SSU72: variants seen among roughly 807,000 people sequenced by gnomAD.
SSU72 encodes SSU72 homolog, RNA polymerase II CTD phosphatase.
SSU72 carries 12 observed loss-of-function variants against 22.7 expected under a neutral mutation model. The ratio of observed to expected loss-of-function variants is 0.53; its 90% CI spans 0.34 to 0.86. The LOEUF (loss-of-function observed/expected upper bound fraction) is 0.86. Among genes scored for constraint, SSU72 ranks in the 40% least tolerant of loss-of-function variants. The pLI, the probability that SSU72 is intolerant of heterozygous loss-of-function variation, is 0.02. For synonymous variants in SSU72, 116 were observed against 98.3 expected (o/e 1.18, Z -1.06); for missense variants, 151 against 249.8 (o/e 0.60, Z 2.67).
intron 4 of SSU72, among the ~76,000 whole-genome samples, chr1:1,543,210 G>A (rs550914019): frequency 1.3e-5 from 2 of 152,324 alleles, no homozygotes; most frequent in Non-Finnish European, 2.9e-5. Context: ...GGGCCCACTG[G>A]GGAAGGCAGG....
At chr1:1,558,183 AGAGT>A (rs889486176) in intron 2 of SSU72, among the ~76,000 whole-genome samples, 2 of 148,568 alleles carry the variant, frequency 1.3e-5, no homozygotes, top group Admixed American at 1.4e-4. Context: ...CCTGGGCAAC[AGAGT>A]GAGACTCTGT....
At chr1:1,553,174 C>G (rs1642473990) in intron 2 of SSU72, among the ~76,000 whole-genome samples, 3 of 152,138 alleles carry the variant, frequency 2.0e-5, no homozygotes, top group Non-Finnish European at 2.9e-5. Context: ...TCCGGCTTCA[C>G]TTGGACAGAA....
At chr1:1,548,981 T>C (rs1194175520) in intron 2 of SSU72, among the ~76,000 whole-genome samples, 1 of 152,144 alleles carries the variant, frequency 6.6e-6, no homozygotes, top group Non-Finnish European at 1.5e-5. Context: ...AGAATAAGGC[T>C]TGTGCTGGAG....
At chr1:1,557,140 C>T (rs921455247) in intron 2 of SSU72, among the ~76,000 whole-genome samples, 1 of 152,242 alleles carries the variant, frequency 6.6e-6, no homozygotes, top group African/African-American at 2.4e-5. Context: ...GGGCGGGACG[C>T]AGTGGCTCAC....
chr1:1,553,619 C>CAA (rs59261076), intron 2 of SSU72, among the ~76,000 whole-genome samples: 5,392 of 100,304 alleles, frequency 0.054, 281 homozygotes, highest in East Asian at 0.23. Context: ...ACTAAAAATA[C>CAA]AAAAAAAAAA....
At position 1,564,805 on chromosome 1, in the gene SSU72, C is replaced by T; in HGVS notation, c.192G>A (p.Met64Ile). The T allele has an allele frequency of 6.2e-7, 1 of 1,614,214 alleles. No homozygotes were observed. The highest frequency in any genetic ancestry group is 8.5e-7 in the Non-Finnish European group (1 of 1,180,052). ...VYDFKTTYDQ[M>I]YNDLLRKDKE... is the part of the protein sequence containing the mutation. The stretch of plus-strand genomic sequence containing the variant: ...TGTCTTTCCTAAGAAGATCATTGTA[C>T]ATCTGGTCATATGTGGTTTTGAAAT... Residue 64 changes from methionine (M) to isoleucine (I), a missense_variant, in exon 2 of 5, where the codon ATG becomes ATA. Physicochemically the swap from Met to Ile is conservative, Grantham distance 10. Transcript: ENST00000291386.
intron 2 of SSU72, among the ~76,000 whole-genome samples, chr1:1,551,772 G>A (rs944387740): frequency 1.3e-5 from 2 of 152,216 alleles, no homozygotes; most frequent in African/African-American, 2.4e-5. Flanking sequence ...CCATCCTTAC[G>A]CCAACGTCAC....
At chr1:1,565,484 T>G (rs933534046) in intron 1 of SSU72, among the ~76,000 whole-genome samples, 3 of 152,190 alleles carry the variant, frequency 2.0e-5, no homozygotes, top group African/African-American at 7.2e-5. Flanking sequence ...TTGGGGAAGA[T>G]TTCATCAGAA....
chr1:1,555,573 G>T (rs980902371), intron 2 of SSU72, among the ~76,000 whole-genome samples: 1 of 152,254 alleles, frequency 6.6e-6, no homozygotes, highest in Non-Finnish European at 1.5e-5. Context: ...AGAAGGGCAC[G>T]GTGAGAAGAG....
rs760462934 is a variant in SSU72 at position 1,574,549 on chromosome 1, C to A, written c.9G>T (p.Ser3=). The change falls in exon 1 of 5, where the codon TCG becomes TCT. Residue 3 remains serine (S), a synonymous_variant. Coordinates refer to ENST00000291386, the MANE Select transcript of SSU72 (RefSeq NM_014188.3). MP[S]SPLRVAVVCS... is the part of the protein sequence containing the mutation. Reference sequence around the variant, plus strand: ...ACACCACCGCCACCCGCAGCGGGGACGACGGCATGGCGGCGGCCGCAAATC... The same window carrying A: ...ACACCACCGCCACCCGCAGCGGGGAAGACGGCATGGCGGCGGCCGCAAATC... 6.3e-7 allele frequency: 1 copy of A among 1,588,476 alleles called. No individual in the cohort carries two copies. The highest frequency in any genetic ancestry group is 8.5e-7 in the Non-Finnish European group (1 of 1,170,208).
At chr1:1,569,881 A>G (rs560853203) in intron 1 of SSU72, among the ~76,000 whole-genome samples, 15 of 152,234 alleles carry the variant, frequency 9.9e-5, no homozygotes, top group African/African-American at 3.6e-4. Flanking sequence ...CCTTCTGACA[A>G]TTTTATTTCA....
At chr1:1,566,484 C>G (rs1642662883) in intron 1 of SSU72, among the ~76,000 whole-genome samples, 1 of 152,190 alleles carries the variant, frequency 6.6e-6, no homozygotes, top group African/African-American at 2.4e-5. Context: ...CATTCTTGTT[C>G]AGAAAAGTGC....
intron 1 of SSU72, among the ~76,000 whole-genome samples, chr1:1,567,263 T>C (rs1322230768): frequency 2.6e-5 from 4 of 152,178 alleles, no homozygotes; most frequent in Non-Finnish European, 4.4e-5. Flanking sequence ...GCTCATCTAG[T>C]GTACGTGAAA....
chr1:1,560,602 TCTAA>T (rs1179459884), intron 2 of SSU72, among the ~76,000 whole-genome samples: 12 of 152,178 alleles, frequency 7.9e-5, no homozygotes, highest in Non-Finnish European at 1.5e-5. Flanking sequence ...AAATACAGTC[TCTAA>T]CTTATTATGG....
chr1:1,565,274 G>A (rs1221167095), intron 1 of SSU72, among the ~76,000 whole-genome samples: 1 of 152,212 alleles, frequency 6.6e-6, no homozygotes, highest in African/African-American at 2.4e-5. Flanking sequence ...TCGGGAGGCT[G>A]AGGCAGGAGA....
chr1:1,567,229 C>T (rs1409718801), intron 1 of SSU72, among the ~76,000 whole-genome samples: 1 of 152,228 alleles, frequency 6.6e-6, no homozygotes, highest in African/African-American at 2.4e-5. Context: ...CCACACACGT[C>T]ACCCACACAC....
chr1:1,565,748 T>C (rs1005083358), intron 1 of SSU72, among the ~76,000 whole-genome samples: 1 of 60,870 alleles, frequency 1.6e-5, no homozygotes, highest in African/African-American at 2.1e-4. Context: ...GACTTCCTAG[T>C]CACAGGTGAG....
chr1:1,549,220 AT>A (rs1208092596), intron 2 of SSU72, among the ~76,000 whole-genome samples: 3 of 152,230 alleles, frequency 2.0e-5, no homozygotes, highest in African/African-American at 7.2e-5. Context: ...TCTACAAAAA[AT>A]AAAAAATTAC....
At chr1:1,546,231 A>C (rs1434216067) in intron 2 of SSU72, 2 of 152,242 alleles carry the variant, frequency 1.3e-5, no homozygotes, top group African/African-American at 2.4e-5. Flanking sequence ...TTCTAAGTGA[A>C]CTCAGCTACC....
Sources: allele counts gnomAD v4.1 joint callset (sites outside exome capture counted in the v4.1 genomes callset), GRCh38; gene constraint gnomAD v4.1.1; transcripts MANE v1.5; gene names NCBI Gene and HGNC (gene_info 2026-07-23, HGNC 2026-07-21).